The following SIPA1L1 variants were observed in gnomAD, a reference collection of about 807,000 sequenced individuals.
The protein encoded by SIPA1L1 is signal-induced proliferation-associated 1-like protein 1.
SIPA1L1 carries 26 observed loss-of-function variants against 162.7 expected under a neutral mutation model. The ratio of observed to expected loss-of-function variants is 0.16; its 90% CI spans 0.12 to 0.22. The LOEUF is 0.22. SIPA1L1 is among the 10% of genes least tolerant of loss of function. The pLI is 1.00. For synonymous variants in SIPA1L1, 829 were observed against 837.4 expected (o/e 0.99, Z 0.17); for missense variants, 1,874 against 2,241.0 (o/e 0.84, Z 3.31).
intron 2 of SIPA1L1, among the ~76,000 whole-genome samples, chr14:71,339,302 C>T (rs2035402887): frequency 6.6e-6 from 1 of 152,024 alleles, no homozygotes; most frequent in Non-Finnish European, 1.5e-5. Context: ...CTGACAAGCC[C>T]TCCTTGTGGT....
intron 3 of SIPA1L1, among the ~76,000 whole-genome samples, chr14:71,522,113 G>A (rs1444515173): frequency 1.3e-5 from 2 of 152,150 alleles, no homozygotes; most frequent in South Asian, 2.1e-4. Flanking sequence ...TATAATTCTG[G>A]GTTGATAGTT....
At chr14:71,550,250 A>C (rs1435671686) in intron 4 of SIPA1L1, among the ~76,000 whole-genome samples, 4 of 152,168 alleles carry the variant, frequency 2.6e-5, no homozygotes, top group African/African-American at 9.7e-5. Context: ...ACACTGTCTC[A>C]AAAACAGAAA....
At chr14:71,420,600 T>C (rs1249116429) in intron 2 of SIPA1L1, among the ~76,000 whole-genome samples, 1 of 152,212 alleles carries the variant, frequency 6.6e-6, no homozygotes, top group Non-Finnish European at 1.5e-5. Context: ...CTTTTACTTA[T>C]TATCTATGGA....
chr14:71,453,341 G>GCA (rs1430552912), intron 2 of SIPA1L1, among the ~76,000 whole-genome samples: 2 of 152,124 alleles, frequency 1.3e-5, no homozygotes, highest in African/African-American at 4.8e-5. Flanking sequence ...TCAGCTCACT[G>GCA]CAGCCTTGAC....
Position 71,650,423 on chromosome 14 carries a change from C to T in SIPA1L1, c.1907C>T (p.Pro636Leu), listed in dbSNP as rs769191301. ...ATGTACAACAATGAGTCAGCTGGCC[C>T]AGCCTTTGAAGAATTTCTTCAACTA... ...EEMYNNESAG[P>L]AFEEFLQLLG... is the part of the protein sequence containing the mutation. Residue 636 changes from proline to leucine, a missense_variant, in exon 8 of 24, where the codon CCA (proline) becomes CTA (leucine). This residue lies in a region of SIPA1L1 where 685 missense variants were observed against 828.0 expected (regional missense o/e 0.83). Coordinates refer to ENST00000381232, the MANE Select transcript of SIPA1L1 (RefSeq NM_001386936.1). The T allele has an allele frequency of 1.2e-6, 2 of 1,614,046 alleles. No individual in the cohort carries two copies. The highest frequency in any genetic ancestry group is 2.2e-5 in the East Asian group (1 of 44,900).
At chr14:71,637,112 A>T (rs1396035942) in intron 7 of SIPA1L1, among the ~76,000 whole-genome samples, 1 of 148,698 alleles carries the variant, frequency 6.7e-6, no homozygotes, top group African/African-American at 2.5e-5. Flanking sequence ...TTTTTTTCAT[A>T]AAACCCAGAT....
intron 11 of SIPA1L1, 92 bp downstream of exon 11, chr14:71,671,784 G>A (rs1017086197): frequency 7.7e-6 from 7 of 904,770 alleles, no homozygotes; most frequent in South Asian, 7.1e-5. Flanking sequence ...CTTGTGCTCT[G>A]TTATTAGCTC....
chr14:71,464,420 A>T (rs114033781), intron 2 of SIPA1L1, among the ~76,000 whole-genome samples: 9,230 of 152,268 alleles, frequency 0.061, 577 homozygotes, highest in African/African-American at 0.15. Context: ...AGGTGGGCGG[A>T]TCACAAGATC....
In SIPA1L1 at chr14:71,446,894, G is replaced by GTTTTTTTTTTTTTTTTTTTTTTTT. The variant is rs765106790; in HGVS notation, c.-464-65838_-464-65837insTTTTTTTTTTTTTTTTTTTTTTTT. Among the ~76,000 whole-genome samples, 16 of 87,402 alleles carry GTTTTTTTTTTTTTTTTTTTTTTTT rather than the reference G, an allele frequency of 1.8e-4. 3 individuals carry two copies. The highest frequency in any genetic ancestry group is 3.9e-4 in the African/African-American group (9 of 23,000). The allele number at this position is 87,402 out of a possible 152,430, so 57.3% of individuals were successfully genotyped here. ...CTGCAAATAAAGAGAGATGGGCTCT[G>GTTTTTTTTTTTTTTTTTTTTTTTT]TTTTTTTTTTTGTTTTTTTTTTTTT... On this transcript the variant is annotated intron_variant, in intron 2 of 23. Coordinates refer to ENST00000381232, the MANE Select transcript of SIPA1L1 (RefSeq NM_001386936.1).
At chr14:71,432,717 G>T (rs765994776) in intron 2 of SIPA1L1, among the ~76,000 whole-genome samples, 1 of 151,966 alleles carries the variant, frequency 6.6e-6, no homozygotes, top group East Asian at 1.9e-4. Flanking sequence ...TTCATTTTGG[G>T]GTATTGTTTT....
At chr14:71,327,003 C>T (rs1041450898) in intron 2 of SIPA1L1, among the ~76,000 whole-genome samples, 3 of 151,224 alleles carry the variant, frequency 2.0e-5, no homozygotes, top group Non-Finnish European at 2.9e-5. Flanking sequence ...TGAGCCATTG[C>T]GCCCGGCCTA....
intron 2 of SIPA1L1, among the ~76,000 whole-genome samples, chr14:71,381,773 T>C (rs991919401): frequency 1.3e-5 from 2 of 152,356 alleles, no homozygotes; most frequent in Middle Eastern, 3.4e-3. Flanking sequence ...CTGTGTGTGC[T>C]GGTCAGGTTG....
chr14:71,564,404 G>T (rs1485586788), intron 4 of SIPA1L1, among the ~76,000 whole-genome samples: 9 of 115,364 alleles, frequency 7.8e-5, no homozygotes, highest in Admixed American at 1.8e-4. Context: ...GTCTGCTTTT[G>T]TTTCAGCAGG....
intron 10 of SIPA1L1, among the ~76,000 whole-genome samples, chr14:71,667,546 T>G (rs2149325363): frequency 6.6e-6 from 1 of 152,320 alleles, no homozygotes; most frequent in Middle Eastern, 3.4e-3. Flanking sequence ...ACGTGTTTGA[T>G]CTTTCCTGTC....
At chr14:71,617,664 A>G (rs1007820884) in intron 5 of SIPA1L1, among the ~76,000 whole-genome samples, 2 of 152,144 alleles carry the variant, frequency 1.3e-5, no homozygotes, top group African/African-American at 2.4e-5. Context: ...ATTCTCATGG[A>G]TTTTCAAATA....
intron 2 of SIPA1L1, among the ~76,000 whole-genome samples, chr14:71,344,788 A>G (rs776128141): frequency 2.6e-4 from 39 of 152,008 alleles, no homozygotes; most frequent in Non-Finnish European, 3.7e-4. Flanking sequence ...CTGCTCTCCA[A>G]CTGCTGAGCT....
chr14:71,703,336 T>TGTTAATCAGG (rs1381186960), intron 15 of SIPA1L1, among the ~76,000 whole-genome samples: 1 of 152,262 alleles, frequency 6.6e-6, no homozygotes, highest in Non-Finnish European at 1.5e-5. Flanking sequence ...AAGACCCATC[T>TGTTAATCAGG]GTTAATCTTC....
At chr14:71,439,639 A>G (rs531534788) in intron 2 of SIPA1L1, among the ~76,000 whole-genome samples, 9 of 152,260 alleles carry the variant, frequency 5.9e-5, no homozygotes, top group Non-Finnish European at 1.2e-4. Flanking sequence ...TGTCATGGAC[A>G]TTATAAAATT....
At chr14:71,394,742 G>A (rs1356169372) in intron 2 of SIPA1L1, among the ~76,000 whole-genome samples, 1 of 152,204 alleles carries the variant, frequency 6.6e-6, no homozygotes, top group Non-Finnish European at 1.5e-5. Flanking sequence ...GTTTGTAGTT[G>A]AATAATGTGC....
Sources: gnomAD v4.1 joint callset for allele counts (sites outside exome capture counted in the v4.1 genomes callset) on GRCh38, gnomAD v4.1.1 for gene constraint, gnomAD v4.1.1 regional missense constraint, MANE v1.5 for transcripts, NCBI Gene and HGNC (gene_info 2026-07-23, HGNC 2026-07-21) for gene names.